RPS6KA2: variants seen among roughly 807,000 people sequenced by gnomAD.
RPS6KA2 encodes the protein ribosomal protein S6 kinase A2.
A neutral mutation model predicts 91.8 loss-of-function variants in RPS6KA2; 42 were observed. The ratio of observed to expected loss-of-function variants is 0.46; its 90% CI spans 0.36 to 0.59. The LOEUF is 0.59. RPS6KA2 is among the 20% of genes least tolerant of loss of function. The pLI is 0.00. For missense variants in RPS6KA2, 798 were observed against 978.5 expected, an observed-to-expected ratio of 0.82 and a Z score of 2.46; for synonymous variants, 414 against 393.6, an observed-to-expected ratio of 1.05 and a Z score of -0.61.
At chr6:166,449,693 T>C (rs187951859) in intron 13 of RPS6KA2, among the ~76,000 whole-genome samples, 61 of 152,172 alleles carry the variant, frequency 4.0e-4, no homozygotes, top group Non-Finnish European at 6.9e-4. Context: ...TCCCAGGGCT[T>C]TACCTTCCCT....
chr6:166,478,079 G>A (rs972855850), intron 10 of RPS6KA2, among the ~76,000 whole-genome samples: 6 of 152,342 alleles, frequency 3.9e-5, no homozygotes, highest in Middle Eastern at 3.4e-3. Flanking sequence ...CCAAGCAGGG[G>A]AGGGGTGCAC....
At chr6:166,534,077 C>G (rs943201493) in intron 2 of RPS6KA2, among the ~76,000 whole-genome samples, 2 of 151,936 alleles carry the variant, frequency 1.3e-5, no homozygotes, top group Non-Finnish European at 2.9e-5. Flanking sequence ...AAAAAATTAG[C>G]CAGGCGCTGT....
intron 2 of RPS6KA2, among the ~76,000 whole-genome samples, chr6:166,699,391 A>T (rs1400294201): frequency 6.6e-6 from 1 of 152,238 alleles, no homozygotes; most frequent in African/African-American, 2.4e-5. Context: ...AAAACTACAA[A>T]AAAAACTTGC....
In RPS6KA2 at chr6:166,409,649, T is replaced by C; in HGVS notation, c.*3113A>G. On this transcript the variant is annotated 3_prime_UTR_variant, in exon 21 of 21. Transcript: ENST00000265678. ...CTGCGCTGGAGTCCACCTTCCGCCCTCTCCACACCGCTCAGGGACCGGCAG... is the reference window on the plus strand; with the variant it reads ...CTGCGCTGGAGTCCACCTTCCGCCCCCTCCACACCGCTCAGGGACCGGCAG... 6.6e-6 allele frequency: 1 copy of C among 152,528 alleles called. No individual in the cohort carries two copies. The allele number at this position is 152,528 out of a possible 1,614,324, so 9.4% of individuals were successfully genotyped here. A position where few individuals can be genotyped will look rare whatever the true frequency, so the allele number is the denominator to read the frequency against.
At chr6:166,653,394 A>G (rs1787919306) in intron 2 of RPS6KA2, among the ~76,000 whole-genome samples, 1 of 152,222 alleles carries the variant, frequency 6.6e-6, no homozygotes, top group Admixed American at 6.5e-5. Flanking sequence ...AATAATTCCC[A>G]TCGACTTAAC....
chr6:166,462,435 T>G (rs896778544), intron 11 of RPS6KA2, among the ~76,000 whole-genome samples: 3 of 152,214 alleles, frequency 2.0e-5, no homozygotes, highest in Non-Finnish European at 2.9e-5. Flanking sequence ...GGCTGTCACC[T>G]TCCTGCCTTC....
intron 2 of RPS6KA2, among the ~76,000 whole-genome samples, chr6:166,793,142 C>G (rs1460271286): frequency 1.3e-5 from 2 of 152,092 alleles, no homozygotes; most frequent in African/African-American, 4.8e-5. Flanking sequence ...AAGCTGATAA[C>G]CAACTTCAGC....
chr6:166,862,453 C>CA, exon 1 of RPS6KA2: 2 of 1,179,746 alleles, frequency 1.7e-6, no homozygotes, highest in Non-Finnish European at 2.2e-6. Context: ...TGCCGCTTCC[C>CA]GCTCGGGCTG....
intron 2 of RPS6KA2, among the ~76,000 whole-genome samples, chr6:166,685,237 G>GC (rs1404851047): frequency 6.0e-5 from 9 of 148,906 alleles, no homozygotes; most frequent in African/African-American, 1.0e-4. Flanking sequence ...TATGCAGGCT[G>GC]GGAGGACAGA....
chr6:166,761,291 C>T (rs1443102415), intron 2 of RPS6KA2, among the ~76,000 whole-genome samples: 3 of 152,186 alleles, frequency 2.0e-5, no homozygotes, highest in Non-Finnish European at 4.4e-5. Context: ...GTGATCTGCC[C>T]GCCTCAGCCT....
At chr6:166,572,208 A>G (rs1784710174) in intron 1 of RPS6KA2, among the ~76,000 whole-genome samples, 1 of 152,208 alleles carries the variant, frequency 6.6e-6, no homozygotes, top group African/African-American at 2.4e-5. Context: ...GGTGGGATTG[A>G]TTAGGGATTC....
chr6:166,803,700 A>T (rs1466782195), intron 2 of RPS6KA2, among the ~76,000 whole-genome samples: 1 of 152,230 alleles, frequency 6.6e-6, no homozygotes, highest in Non-Finnish European at 1.5e-5. Flanking sequence ...AACCCCACAG[A>T]GACTGATTTT....
intron 2 of RPS6KA2, among the ~76,000 whole-genome samples, chr6:166,745,215 C>A (rs1460819235): frequency 2.0e-5 from 3 of 150,176 alleles, no homozygotes; most frequent in Non-Finnish European, 4.4e-5. Flanking sequence ...GCAGTGGCGC[C>A]ATCTCGGCTC....
rs890297012 is a variant in RPS6KA2, at chr6:166,430,955, C to T, written c.1423-344G>A. Among the ~76,000 whole-genome samples, 6 of 152,058 alleles carry T rather than the reference C, an allele frequency of 3.9e-5. No homozygotes were observed. In the East Asian group the frequency reaches 5.8e-4, roughly 15 times the overall value. On this transcript the variant is annotated intron_variant, in intron 15 of 20. Transcript: ENST00000265678. ...ATTATTATTTTTTGAGATGGAGTCT[C>T]GCTCTGTCACCCAGGCTGAAGTGCA...
intron 3 of RPS6KA2, among the ~76,000 whole-genome samples, chr6:166,516,429 G>A (rs921817841): frequency 6.6e-6 from 1 of 152,342 alleles, no homozygotes; most frequent in South Asian, 2.1e-4. Flanking sequence ...AGCCAGGGGT[G>A]GGGGAGGCAG....
At chr6:166,803,029 A>C (rs845661) in intron 2 of RPS6KA2, among the ~76,000 whole-genome samples, 97,639 of 151,552 alleles carry the variant, frequency 0.64, 31,585 homozygotes, top group African/African-American at 0.67. Context: ...TTAACCAATA[A>C]TCCTTAAATG....
rs3837033 is a variant in RPS6KA2 at position 166,507,367 on chromosome 6, A to AACACAC, written c.459+830_459+835dup. Among the ~76,000 whole-genome samples the AACACAC allele has an allele frequency of 2.1e-4, 17 of 80,300 alleles. No individual in the cohort carries two copies. In the East Asian group the frequency reaches 3.2e-3, roughly 15 times the overall value. The allele number at this position is 80,300 out of a possible 152,430, so 52.7% of individuals were successfully genotyped here. A position where few individuals can be genotyped will look rare whatever the true frequency, so the allele number is the denominator to read the frequency against. Reference sequence around the variant, plus strand: ...AGGCAGCAATGCACACAGCACACCCAACACACACACACACACACACACCCA... The same window carrying AACACAC: ...AGGCAGCAATGCACACAGCACACCCAACACACACACACACACACACACACACACCCA... On this transcript the variant is annotated intron_variant, in intron 5 of 20. Coordinates refer to ENST00000265678, the MANE Select transcript of RPS6KA2 (RefSeq NM_021135.6).
intron 11 of RPS6KA2, among the ~76,000 whole-genome samples, chr6:166,460,370 A>G (rs1583163521): frequency 6.6e-6 from 1 of 152,180 alleles, no homozygotes; most frequent in Admixed American, 6.5e-5. Context: ...TGGGAATTCA[A>G]TGTAAAGAAA....
chr6:166,415,770 T>G (rs1431634654), intron 19 of RPS6KA2, among the ~76,000 whole-genome samples: 1 of 152,120 alleles, frequency 6.6e-6, no homozygotes, highest in Non-Finnish European at 1.5e-5. Context: ...GCATTTGGAC[T>G]GTCAGGGTCT....
Sources: gnomAD v4.1 joint callset for allele counts (sites outside exome capture counted in the v4.1 genomes callset) on GRCh38, gnomAD v4.1.1 for gene constraint, MANE v1.5 for transcripts, NCBI Gene and HGNC (gene_info 2026-07-23, HGNC 2026-07-21) for gene names.